The following ZNF804A variants were observed in gnomAD, a reference collection of about 807,000 sequenced individuals.
ZNF804A encodes the protein zinc finger protein 804A.
Under a neutral mutation model 16.5 loss-of-function variants are expected in ZNF804A, and 2 were observed. The ratio of observed to expected loss-of-function variants is 0.12; its 90% CI spans 0.05 to 0.38. The LOEUF (loss-of-function observed/expected upper bound fraction) is 0.38. Among genes scored for constraint, ZNF804A ranks in the 10% least tolerant of loss-of-function variants. ZNF804A has a pLI of 0.99. For missense variants in ZNF804A, 1,473 were observed against 1,390.7 expected (o/e 1.06, Z -0.94); for synonymous variants, 534 against 489.6 (o/e 1.09, Z -1.20).
chr2:184,887,223 A>C (rs1182949461), intron 2 of ZNF804A, among the ~76,000 whole-genome samples: 1 of 152,210 alleles, frequency 6.6e-6, no homozygotes, highest in African/African-American at 2.4e-5. Context: ...CTAAAACATA[A>C]CAAGAGTCAC....
chr2:184,777,700 C>T (rs1344405540), intron 1 of ZNF804A, among the ~76,000 whole-genome samples: 1 of 151,614 alleles, frequency 6.6e-6, no homozygotes, highest in Non-Finnish European at 1.5e-5. Flanking sequence ...TATAGCTTCA[C>T]CCTTCATTTA....
chr2:184,635,053 C>T (rs1691674564), intron 1 of ZNF804A, among the ~76,000 whole-genome samples: 1 of 151,896 alleles, frequency 6.6e-6, no homozygotes, highest in Non-Finnish European at 1.5e-5. Context: ...CAGAATTTTT[C>T]CTTTTAAAAT....
intron 1 of ZNF804A, among the ~76,000 whole-genome samples, chr2:184,792,191 C>T (rs922465146): frequency 6.6e-6 from 1 of 152,138 alleles, no homozygotes; most frequent in Non-Finnish European, 1.5e-5. Context: ...AGGAATGCAA[C>T]TGCTGGATCA....
At chr2:184,763,359 A>G (rs1010993979) in intron 1 of ZNF804A, among the ~76,000 whole-genome samples, 3 of 152,166 alleles carry the variant, frequency 2.0e-5, no homozygotes, top group African/African-American at 7.2e-5. Context: ...GTAGACAGCC[A>G]TATGATGAGA....
intron 3 of ZNF804A, among the ~76,000 whole-genome samples, chr2:184,934,258 C>T (rs1465353879): frequency 6.6e-6 from 1 of 152,078 alleles, no homozygotes; most frequent in Admixed American, 6.6e-5. Flanking sequence ...AACTTTTAAA[C>T]TTTGATCTGC....
chr2:184,725,759 C>A (rs1693399152), intron 1 of ZNF804A, among the ~76,000 whole-genome samples: 1 of 151,464 alleles, frequency 6.6e-6, no homozygotes, highest in African/African-American at 2.4e-5. Flanking sequence ...GAAGCTCTGC[C>A]TGATGCTACC....
intron 1 of ZNF804A, among the ~76,000 whole-genome samples, chr2:184,742,235 C>A (rs1445577547): frequency 6.6e-6 from 1 of 151,810 alleles, no homozygotes; most frequent in African/African-American, 2.4e-5. Context: ...TGATAATAAG[C>A]TTAAAGAGAG....
rs144759571 is a variant in ZNF804A at position 184,682,624 on chromosome 2, T to C, written c.111+83554T>C. On this transcript the variant is annotated intron_variant, in intron 1 of 3. Transcript: ENST00000302277. ...AATTGTAGTACAGTGATTTTACAGA[T>C]GGGAAAAACAAACAAAATGAATTAT... 9.0e-3 allele frequency among the ~76,000 whole-genome samples: 1,377 copies of C among 152,292 alleles called. 22 individuals are homozygous for C. The highest frequency in any genetic ancestry group is 0.032 in the African/African-American group (1,317 of 41,556).
intron 2 of ZNF804A, among the ~76,000 whole-genome samples, chr2:184,871,659 A>G (rs1695978247): frequency 6.6e-6 from 1 of 152,016 alleles, no homozygotes; most frequent in South Asian, 2.1e-4. Flanking sequence ...AGTAACATCA[A>G]AGAACCTTTT....
intron 1 of ZNF804A, among the ~76,000 whole-genome samples, chr2:184,624,834 A>C (rs1049556838): frequency 2.6e-5 from 4 of 152,196 alleles, no homozygotes; most frequent in African/African-American, 9.6e-5. Context: ...AGCTGATTAA[A>C]TTAATGAGTA....
intron 1 of ZNF804A, among the ~76,000 whole-genome samples, chr2:184,748,578 G>A (rs1304194591): frequency 1.3e-5 from 2 of 151,334 alleles, no homozygotes; most frequent in Non-Finnish European, 3.0e-5. Flanking sequence ...CCTACAGATT[G>A]TCTCTTTATT....
chr2:184,660,843 A>T (rs1692164752), intron 1 of ZNF804A, among the ~76,000 whole-genome samples: 1 of 152,264 alleles, frequency 6.6e-6, no homozygotes, highest in Non-Finnish European at 1.5e-5. Context: ...GTGAGTTCTC[A>T]GTAGATACTA....
chr2:184,611,433 A>ATGAATATTTAGCCC (rs1691237814), intron 1 of ZNF804A, among the ~76,000 whole-genome samples: 1 of 152,128 alleles, frequency 6.6e-6, no homozygotes, highest in African/African-American at 2.4e-5. Context: ...TATTTAGGGC[A>ATGAATATTTAGCCC]TGAATATTTA....
At chr2:184,649,784 T>C (rs1328682012) in intron 1 of ZNF804A, among the ~76,000 whole-genome samples, 1 of 149,694 alleles carries the variant, frequency 6.7e-6, no homozygotes, top group African/African-American at 2.5e-5. Flanking sequence ...CAGACCAATA[T>C]ACTGTTGTGA....
intron 1 of ZNF804A, among the ~76,000 whole-genome samples, chr2:184,782,373 C>G (rs1038144428): frequency 7.3e-5 from 11 of 151,248 alleles, no homozygotes; most frequent in African/African-American, 2.4e-4. Context: ...GCAGACCCAC[C>G]CTTAATCTGG....
At chr2:184,676,224 TTTA>T (rs1281182867) in intron 1 of ZNF804A, among the ~76,000 whole-genome samples, 7 of 151,776 alleles carry the variant, frequency 4.6e-5, no homozygotes, top group Admixed American at 6.6e-5. Flanking sequence ...TCAAGTAAAG[TTTA>T]TTGTTATATT....
At chr2:184,901,056 G>T (rs993047582) in intron 2 of ZNF804A, among the ~76,000 whole-genome samples, 1 of 152,048 alleles carries the variant, frequency 6.6e-6, no homozygotes, top group African/African-American at 2.4e-5. Flanking sequence ...TACCAGTATA[G>T]AATCCTTTAA....
At chr2:184,876,009 T>C (rs1684665973) in intron 2 of ZNF804A, among the ~76,000 whole-genome samples, 1 of 152,172 alleles carries the variant, frequency 6.6e-6, no homozygotes, top group Non-Finnish European at 1.5e-5. Context: ...TTTGCTTTAG[T>C]GGTTTCAATG....
intron 1 of ZNF804A, among the ~76,000 whole-genome samples, chr2:184,862,541 A>G (rs78385901): frequency 0.04 from 6,150 of 152,258 alleles, 398 homozygotes; most frequent in African/African-American, 0.14. Context: ...AATTTAGAGG[A>G]GGATAGAGAT....
Sources: allele counts gnomAD v4.1 joint callset (sites outside exome capture counted in the v4.1 genomes callset), GRCh38; gene constraint gnomAD v4.1.1; transcripts MANE v1.5; gene names NCBI Gene and HGNC (gene_info 2026-07-23, HGNC 2026-07-21).